CUX1: variants seen among roughly 807,000 people sequenced by gnomAD.
CUX1 encodes the protein cut like homeobox 1, also known as protein CASP.
Under a neutral mutation model 158.8 loss-of-function variants are expected in CUX1, and 31 were observed. The ratio of observed to expected loss-of-function variants is 0.20; its 90% CI spans 0.15 to 0.26. CUX1 has a LOEUF of 0.26. Ranked by LOEUF, CUX1 falls within the 10% of genes least tolerant of loss-of-function variation. The pLI, the probability that CUX1 is intolerant of heterozygous loss-of-function variation, is 1.00. For synonymous variants in CUX1, 879 were observed against 862.1 expected (o/e 1.02, Z -0.34); for missense variants, 1,589 against 2,014.6 (o/e 0.79, Z 4.04).
intron 17 of CUX1, among the ~76,000 whole-genome samples, chr7:102,276,262 G>A (rs1242383547): frequency 6.6e-6 from 1 of 152,078 alleles, no homozygotes; most frequent in Non-Finnish European, 1.5e-5. Context: ...TTTAGAGGAA[G>A]CGTCATACTG....
At chr7:102,234,642 G>T (rs1292251868) in intron 22 of CUX1, among the ~76,000 whole-genome samples, 2 of 151,950 alleles carry the variant, frequency 1.3e-5, no homozygotes, top group African/African-American at 4.8e-5. Context: ...TTTGTAGGCA[G>T]GGCACGGCGG....
In CUX1 at chr7:102,142,077, C is replaced by T. The variant is rs531632556; in HGVS notation, c.675-16483C>T. The stretch of plus-strand genomic sequence containing the variant: ...ATGCCCTTGAGCCCATGCACCACTG[C>T]GCCGCCCTGCACCTCAGTTTCCCCA... On this transcript the variant is annotated intron_variant, in intron 8 of 23. Transcript: ENST00000292535. Among the ~76,000 whole-genome samples, 33 of 152,292 alleles carry T rather than the reference C, an allele frequency of 2.2e-4. No homozygotes were observed. In the South Asian group the frequency reaches 3.5e-3, roughly 16 times the overall value.
chr7:101,998,513 G>A (rs1009436188), intron 2 of CUX1, among the ~76,000 whole-genome samples: 7 of 152,218 alleles, frequency 4.6e-5, no homozygotes, highest in African/African-American at 1.4e-4. Flanking sequence ...CAGGACAGCC[G>A]GCAGGGCATC....
intron 2 of CUX1, among the ~76,000 whole-genome samples, chr7:101,918,970 G>T (rs569898566): frequency 6.6e-6 from 1 of 152,168 alleles, no homozygotes; most frequent in African/African-American, 2.4e-5. Flanking sequence ...ATTTTTAGTA[G>T]ATTTCACTAT....
At chr7:101,945,913 G>A (rs1411636741) in intron 2 of CUX1, among the ~76,000 whole-genome samples, 1 of 152,204 alleles carries the variant, frequency 6.6e-6, no homozygotes, top group Non-Finnish European at 1.5e-5. Context: ...CAGAGGCACA[G>A]GGCTTGGTTT....
intron 2 of CUX1, among the ~76,000 whole-genome samples, chr7:101,917,459 A>G (rs1804351827): frequency 6.6e-6 from 1 of 152,080 alleles, no homozygotes; most frequent in Non-Finnish European, 1.5e-5. Context: ...CTGCCCCTAA[A>G]TGTGGGTACT....
chr7:101,924,309 C>T (rs1174053954), intron 2 of CUX1, among the ~76,000 whole-genome samples: 1 of 151,836 alleles, frequency 6.6e-6, no homozygotes, highest in African/African-American at 2.4e-5. Flanking sequence ...GTCACTGCCT[C>T]GACAGCCTTT....
At chr7:101,984,244 G>A (rs1305424251) in intron 2 of CUX1, among the ~76,000 whole-genome samples, 1 of 147,070 alleles carries the variant, frequency 6.8e-6, no homozygotes, top group East Asian at 2.0e-4. Flanking sequence ...TTGAATATGG[G>A]CCCATGTTTT....
intron 1 of CUX1, among the ~76,000 whole-genome samples, chr7:101,914,509 T>C (rs1358538157): frequency 6.6e-6 from 1 of 150,808 alleles, no homozygotes. Flanking sequence ...CTTCTTTCTT[T>C]CTTTTTTCCC....
intron 4 of CUX1, among the ~76,000 whole-genome samples, chr7:102,095,551 C>T (rs1829089314): frequency 6.6e-6 from 1 of 152,116 alleles, no homozygotes; most frequent in Non-Finnish European, 1.5e-5. Flanking sequence ...TCTGCAAAGA[C>T]GCTGGCATCC....
chr7:102,200,048 A>C, intron 16 of CUX1, 23 bp from the exon 17 acceptor site: 1 of 1,590,290 alleles, frequency 6.3e-7, no homozygotes, highest in Non-Finnish European at 8.6e-7. Flanking sequence ...GTTTGATGTC[A>C]TTGGCGCAAC....
intron 2 of CUX1, among the ~76,000 whole-genome samples, chr7:101,992,682 G>T (rs1815297060): frequency 6.6e-6 from 1 of 152,192 alleles, no homozygotes; most frequent in East Asian, 1.9e-4. Context: ...GTGAGCAGAA[G>T]TCTGGCCATT....
intron 1 of CUX1, among the ~76,000 whole-genome samples, chr7:101,860,139 A>G (rs1002838340): frequency 1.3e-5 from 2 of 151,890 alleles, no homozygotes; most frequent in Admixed American, 1.3e-4. Context: ...GATTAGTAGC[A>G]GAGACTCTCC....
chr7:102,283,936 G>C (rs2132862694), exon 23 of CUX1: 1 of 152,370 alleles, frequency 6.6e-6, no homozygotes, highest in Non-Finnish European at 1.5e-5. Context: ...TTGCACATTT[G>C]AAATAAACCA....
intron 4 of CUX1, among the ~76,000 whole-genome samples, chr7:102,088,061 A>T (rs1554481144): frequency 6.6e-6 from 1 of 151,316 alleles, no homozygotes; most frequent in Non-Finnish European, 1.5e-5. Context: ...GCAGTGGTGC[A>T]ATCTTGGCTC....
chr7:102,259,758 GAA>G (rs869268190), downstream of CUX1, among the ~76,000 whole-genome samples: 5 of 14,362 alleles, frequency 3.5e-4, no homozygotes, highest in African/African-American at 7.7e-4. Flanking sequence ...AAAAAAAAAA[GAA>G]AGAAAAGAGA....
rs115486360 is a variant in CUX1 at position 101,934,082 on chromosome 7, C to T, written c.141+17857C>T. Among the ~76,000 whole-genome samples, 914 of 152,260 alleles carry T rather than the reference C, an allele frequency of 6.0e-3. 7 individuals carry two copies. Among genetic ancestry groups the T allele is most frequent in the African/African-American group, 0.021 (868 of 41,544 alleles). On this transcript the variant is annotated intron_variant, in intron 2 of 23. Coordinates refer to ENST00000292535, the MANE Select transcript of CUX1 (RefSeq NM_181552.4). ...AATGTGTATCACAGCCTGTTGAAAT[C>T]CCTGTGGTTAATCAGAAGAGAAGTT...
intron 2 of CUX1, among the ~76,000 whole-genome samples, chr7:101,943,486 G>T (rs2970477): frequency 0.85 from 128,861 of 151,896 alleles, 55,142 homozygotes; most frequent in African/African-American, 0.93. Context: ...TCTCCCGCGC[G>T]GCGGCGGCTG....
chr7:102,239,593 G>C lies in CUX1; in HGVS notation c.3887+9G>C, dbSNP rs782441617. The C allele has an allele frequency of 1.1e-5, 17 of 1,607,626 alleles. No homozygotes were observed. The highest frequency in any genetic ancestry group is 3.3e-4 in the Middle Eastern group (2 of 6,060). On this transcript the variant is annotated intron_variant, in intron 23 of 23. Transcript: ENST00000292535. ...TGGTTCCACAACTACAGGTACGACGGCTGGCTCACAGGGAGCGCCGGTCGG... is the reference window on the plus strand; with the variant it reads ...TGGTTCCACAACTACAGGTACGACGCCTGGCTCACAGGGAGCGCCGGTCGG...
Sources: gnomAD v4.1 joint callset for allele counts (sites outside exome capture counted in the v4.1 genomes callset) on GRCh38, gnomAD v4.1.1 for gene constraint, MANE v1.5 for transcripts, NCBI Gene and HGNC (gene_info 2026-07-23, HGNC 2026-07-21) for gene names.